Variants in TMEM232 observed in about 807,000 individuals in gnomAD.
TMEM232 encodes the protein transmembrane protein 232.
Under a neutral mutation model 78.8 loss-of-function variants are expected in TMEM232, and 80 were observed. The observed-to-expected ratio is 1.01, with a 90% CI of 0.85 to 1.22. The LOEUF is 1.22. Among genes scored for constraint, TMEM232 ranks in the 50% most tolerant of loss-of-function variants. TMEM232 has a pLI of 0.00. For synonymous variants in TMEM232, 297 were observed against 254.3 expected, an observed-to-expected ratio of 1.17 and a Z score of -1.60; for missense variants, 881 against 742.2, an observed-to-expected ratio of 1.19 and a Z score of -2.17.
At position 110,419,557 on chromosome 5, in the gene TMEM232, T is replaced by G. The variant is rs1055813693; in HGVS notation, c.*1023A>C. Among the ~76,000 whole-genome samples, 7 of 152,130 alleles carry G rather than the reference T, an allele frequency of 4.6e-5. No individual in the cohort carries two copies. Among genetic ancestry groups the G allele is most frequent in the Admixed American group, 6.6e-5 (1 of 15,262 alleles). On this transcript the variant is annotated 3_prime_UTR_variant, in exon 14 of 14. Transcript: ENST00000455884. Reference sequence around the variant, plus strand: ...CCCATTTAAAAGCTTCTTGAAAGGCTGGATGATTTTACAATACTGACATAC... The same window carrying G: ...CCCATTTAAAAGCTTCTTGAAAGGCGGGATGATTTTACAATACTGACATAC...
intron 4 of TMEM232, among the ~76,000 whole-genome samples, chr5:110,640,613 A>G (rs1786542399): frequency 6.6e-6 from 1 of 152,154 alleles, no homozygotes; most frequent in Admixed American, 6.6e-5. Flanking sequence ...TCACTAAATG[A>G]CATTTTATAT....
chr5:110,470,203 A>C (rs1312369161), intron 12 of TMEM232, among the ~76,000 whole-genome samples: 2 of 152,002 alleles, frequency 1.3e-5, no homozygotes, highest in Non-Finnish European at 2.9e-5. Flanking sequence ...ACATCTAGAA[A>C]ACCTTCTCTT....
chr5:110,577,013 C>T (rs1346783163), intron 10 of TMEM232, among the ~76,000 whole-genome samples: 1 of 151,840 alleles, frequency 6.6e-6, no homozygotes, highest in African/African-American at 2.4e-5. Context: ...AGCATTGCAA[C>T]AAAGCAAAAC....
At chr5:110,544,926 A>G (rs1348147321) in intron 11 of TMEM232, among the ~76,000 whole-genome samples, 1 of 152,120 alleles carries the variant, frequency 6.6e-6, no homozygotes, top group Non-Finnish European at 1.5e-5. Context: ...AAGGACTGAT[A>G]TAGTAGCAAA....
At chr5:110,692,667 G>A (rs116443024) in intron 1 of TMEM232, among the ~76,000 whole-genome samples, 2,081 of 152,310 alleles carry the variant, frequency 0.014, 42 homozygotes, top group African/African-American at 0.048. Flanking sequence ...CACACCTGGC[G>A]CAGAGGGTCT....
rs983669356 is a variant in TMEM232, at chr5:110,715,284, G to GA, written c.-13+11342dup. Among the ~76,000 whole-genome samples, 300 of 151,368 alleles carry GA rather than the reference G, an allele frequency of 2.0e-3. 2 individuals carry two copies. The highest frequency in any genetic ancestry group is 7.0e-3 in the African/African-American group (289 of 41,290). On this transcript the variant is annotated intron_variant, in intron 1 of 13. Coordinates refer to ENST00000455884, the MANE Select transcript of TMEM232 (RefSeq NM_001039763.4). ...ATGAAACAGTAATTAAAGAAATTAT[G>GA]AAAAAAAACCATAGGCTGAAGAAAT...
intron 1 of TMEM232, among the ~76,000 whole-genome samples, chr5:110,715,059 T>G (rs183115697): frequency 1.5e-3 from 234 of 152,284 alleles, no homozygotes; most frequent in African/African-American, 5.5e-3. Flanking sequence ...GTTCCTTGTC[T>G]ATTTTTGCCC....
intron 12 of TMEM232, among the ~76,000 whole-genome samples, chr5:110,464,461 C>T (rs1761863301): frequency 6.6e-6 from 1 of 152,088 alleles, no homozygotes; most frequent in Non-Finnish European, 1.5e-5. Flanking sequence ...TGAATGCTTC[C>T]AGTTTGTTCA....
At chr5:110,506,858 G>A (rs1408523370) in intron 12 of TMEM232, among the ~76,000 whole-genome samples, 1 of 152,000 alleles carries the variant, frequency 6.6e-6, no homozygotes, top group Non-Finnish European at 1.5e-5. Context: ...TCCTAAATAT[G>A]TAGTGTTCTG....
At chr5:110,708,444 T>C (rs1796154805) in intron 1 of TMEM232, among the ~76,000 whole-genome samples, 1 of 152,110 alleles carries the variant, frequency 6.6e-6, no homozygotes, top group African/African-American at 2.4e-5. Flanking sequence ...AAATTCAGAA[T>C]ATTATAGCAT....
intron 8 of TMEM232, among the ~76,000 whole-genome samples, chr5:110,614,187 C>A (rs1323671771): frequency 6.6e-6 from 1 of 152,070 alleles, no homozygotes; most frequent in Non-Finnish European, 1.5e-5. Context: ...ACACTGCTAT[C>A]CCCTTCTTCA....
At chr5:110,490,645 A>C (rs1217402244) in intron 12 of TMEM232, among the ~76,000 whole-genome samples, 1 of 152,164 alleles carries the variant, frequency 6.6e-6, no homozygotes, top group Non-Finnish European at 1.5e-5. Flanking sequence ...AGGCAGATCA[A>C]TTGAATAGAA....
At position 110,487,538 on chromosome 5, in the gene TMEM232, G is replaced by A. The variant is rs185649388; in HGVS notation, c.1703+41050C>T. On this transcript the variant is annotated intron_variant, in intron 12 of 13. Coordinates refer to ENST00000455884, the MANE Select transcript of TMEM232 (RefSeq NM_001039763.4). ...TTGGAAAGCGATACTGGATTTTGTC[G>A]AATGCTTTTTCTGCATCTATTGAGA... Among the ~76,000 whole-genome samples, 28 of 152,028 alleles carry A rather than the reference G, an allele frequency of 1.8e-4. No homozygotes were observed. In the East Asian group the frequency reaches 2.5e-3, roughly 14 times the overall value.
intron 1 of TMEM232, among the ~76,000 whole-genome samples, chr5:110,705,943 G>T (rs1795892484): frequency 6.6e-6 from 1 of 151,856 alleles, no homozygotes; most frequent in Admixed American, 6.6e-5. Flanking sequence ...GCTTCTGTTG[G>T]GAAGGGAAAA....
At chr5:110,477,226 G>A (rs1351048434) in intron 12 of TMEM232, among the ~76,000 whole-genome samples, 2 of 151,736 alleles carry the variant, frequency 1.3e-5, no homozygotes, top group East Asian at 1.9e-4. Context: ...TTTCCCACTG[G>A]GAAAAATGCT....
intron 3 of TMEM232, among the ~76,000 whole-genome samples, chr5:110,393,659 T>C (rs1459663920): frequency 6.6e-6 from 1 of 152,148 alleles, no homozygotes; most frequent in Non-Finnish European, 1.5e-5. Flanking sequence ...CTTAGGTTAT[T>C]TTAAAATGTA....
intron 11 of TMEM232, among the ~76,000 whole-genome samples, chr5:110,531,867 A>G (rs1029178560): frequency 3.3e-5 from 5 of 152,148 alleles, no homozygotes; most frequent in Admixed American, 2.6e-4. Flanking sequence ...CTCAATATAC[A>G]TTTTATTACC....
chr5:110,474,217 T>G (rs547667051), intron 12 of TMEM232, among the ~76,000 whole-genome samples: 16 of 152,066 alleles, frequency 1.1e-4, no homozygotes, highest in African/African-American at 3.9e-4. Flanking sequence ...TTATATAACA[T>G]GTACTTACAC....
At chr5:110,442,173 A>C (rs367598925) in intron 12 of TMEM232, among the ~76,000 whole-genome samples, 122 of 152,246 alleles carry the variant, frequency 8.0e-4, no homozygotes, top group African/African-American at 2.9e-3. Context: ...AGGTTTGGGA[A>C]GTTCTATGAT....
Sources: gnomAD v4.1 joint callset for allele counts (sites outside exome capture counted in the v4.1 genomes callset) on GRCh38, gnomAD v4.1.1 for gene constraint, MANE v1.5 for transcripts, NCBI Gene and HGNC (gene_info 2026-07-23, HGNC 2026-07-21) for gene names.